FBN3: variants seen among roughly 807,000 people sequenced by gnomAD.
The protein encoded by FBN3 is fibrillin-3.
In FBN3, 234 loss-of-function variants were observed where a neutral mutation model predicts 330.1. That is an observed-to-expected ratio of 0.71 (90% CI 0.64 to 0.79). The LOEUF (loss-of-function observed/expected upper bound fraction) is 0.79. Among genes scored for constraint, FBN3 ranks in the 30% least tolerant of loss-of-function variants. The probability of loss-of-function intolerance (pLI) is 0.00; values close to 1 mark genes in which losing one functional copy is unlikely to be tolerated. For synonymous variants in FBN3, 1,458 were observed against 1,517.3 expected, an observed-to-expected ratio of 0.96 and a Z score of 0.91; for missense variants, 3,606 against 3,886.9, an observed-to-expected ratio of 0.93 and a Z score of 1.92.
chr19:8,131,658 C>A lies in FBN3; in HGVS notation c.1886G>T (p.Cys629Phe). The A allele has an allele frequency of 6.2e-7, 1 of 1,614,244 alleles. No homozygotes were observed. The highest frequency in any genetic ancestry group is 8.5e-7 in the Non-Finnish European group (1 of 1,180,050). Reference sequence around the variant, plus strand: ...GACAGTGCCAGGGAAGGGGCGGGCACAGGAGCCCTTCTCGATGGCCCCATA... The same window carrying A: ...GACAGTGCCAGGGAAGGGGCGGGCAAAGGAGCCCTTCTCGATGGCCCCATA... The part of the protein sequence containing the change: ...TCYGAIEKGS[C>F]ARPFPGTVTK... The change falls in exon 15 of 64, where the codon TGT becomes TTT. Residue 629 changes from cysteine to phenylalanine, a missense_variant. Transcript: ENST00000600128. The surrounding 1 kb of genome is among the most constrained non-coding windows in gnomAD (Gnocchi z 4.5).
chr19:8,074,764 A>C (rs149710314), intron 61 of FBN3: 18 of 324,600 alleles, frequency 5.5e-5, no homozygotes, highest in Non-Finnish European at 7.4e-5. Context: ...CGTGGCAGAC[A>C]TCACTAATCA....
chr19:8,143,244 G>A (rs7260060), intron 6 of FBN3, among the ~76,000 whole-genome samples: 76,930 of 151,842 alleles, frequency 0.51, 20,360 homozygotes, highest in South Asian at 0.68. Context: ...CCATGGATGG[G>A]GCAGCCCACG....
Position 8,123,530 on chromosome 19 carries a change from C to T in FBN3, c.3016G>A (p.Val1006Met). The change falls in exon 24 of 64, where the codon GTG (valine) becomes ATG (methionine). Residue 1006 changes from valine (V) to methionine (M), a missense_variant. Coordinates refer to ENST00000600128, the MANE Select transcript of FBN3 (RefSeq NM_032447.5). The stretch of plus-strand genomic sequence containing the variant: ...GCACAGGCGCAGTGGAAGCTGCCCA[C>T]CGTGTTTCTGCAGGTACCGTGCGTG... ...LCTHGTCRNT[V>M]GSFHCACAGG... 1 of 1,614,196 alleles carries T rather than the reference C, an allele frequency of 6.2e-7. No individual in the cohort carries two copies. The highest frequency in any genetic ancestry group is 8.5e-7 in the Non-Finnish European group (1 of 1,180,016).
chr19:8,143,859 C>T (rs1435132048), intron 6 of FBN3, among the ~76,000 whole-genome samples: 1 of 150,026 alleles, frequency 6.7e-6, no homozygotes, highest in African/African-American at 2.5e-5. Flanking sequence ...GTTCTGTCAC[C>T]CAGGCTGGAA....
Position 8,126,485 on chromosome 19 carries a change from C to A in FBN3, c.2537G>T (p.Cys846Phe). 6.2e-7 allele frequency: 1 copy of A among 1,613,066 alleles called. No individual in the cohort carries two copies. The highest frequency in any genetic ancestry group is 8.5e-7 in the Non-Finnish European group (1 of 1,179,608). ...GATACTACCGATCTCGCAGCGTTCG[C>A]AGGGGCTCCCCCAGGCTGCCCCGAG... The part of the protein sequence containing the change: ...ATLGAAWGSP[C>F]ERCEIDPACA... Residue 846 changes from cysteine to phenylalanine, a missense_variant, in exon 20 of 64, where the codon TGC (cysteine) becomes TTC (phenylalanine). Transcript: ENST00000600128.
In FBN3 at chr19:8,131,798, G is replaced by T. The variant is rs557428976; in HGVS notation, c.1746C>A (p.Cys582Ter). The T allele has an allele frequency of 6.2e-7, 1 of 1,604,508 alleles. No homozygotes were observed. The highest frequency in any genetic ancestry group is 8.5e-7 in the Non-Finnish European group (1 of 1,173,100). Reference sequence around the variant, plus strand: ...CGGTGTTGGTACAGTGGCCGTTCACGCAGATGCCGGGCGTCTGGCACTCGT... The same window carrying T: ...CGGTGTTGGTACAGTGGCCGTTCACTCAGATGCCGGGCGTCTGGCACTCGT... ...DIDECQTPGI[C>*]VNGHCTNTEG... The change falls in exon 15 of 64, where the codon TGC becomes TGA. Residue 582 changes from cysteine (C) to a stop codon, truncating the protein, a stop_gained. Transcript: ENST00000600128. LOFTEE classifies it high-confidence loss of function. This position sits in a 1 kb window ranked among gnomAD's most constrained non-coding sequence, Gnocchi z 4.5.
intron 40 of FBN3, among the ~76,000 whole-genome samples, chr19:8,102,167 C>T (rs1404733263): frequency 6.6e-6 from 1 of 152,166 alleles, no homozygotes; most frequent in Non-Finnish European, 1.5e-5. Context: ...GTGAGGCCTT[C>T]CCAGTTATGT....
At chr19:8,135,936 G>GTGTCCCCCCCCC in intron 13 of FBN3, 25 bp downstream of exon 13, 1 of 668,778 alleles carries the variant, frequency 1.5e-6, no homozygotes, top group Non-Finnish European at 2.4e-6. Flanking sequence ...GGAAGCCCCT[G>GTGTCCCCCCCCC]CCCACCCGCC....
At position 8,091,490 on chromosome 19, in the gene FBN3, G is replaced by A; in HGVS notation, c.6006C>T (p.Leu2002=). ...FQCLCPPGFV[L]SDNGHRCFDT... The stretch of plus-strand genomic sequence containing the variant: ...CAAAGCAACGGTGCCCATTGTCAGA[G>A]AGGACAAAGCCAGGTGGGCAGAGGC... Residue 2002 remains leucine, a synonymous_variant, in exon 48 of 64, where the codon CTC becomes CTT. Transcript: ENST00000600128. 1 of 1,614,188 alleles carries A rather than the reference G, an allele frequency of 6.2e-7. No individual in the cohort carries two copies. The highest frequency in any genetic ancestry group is 1.6e-4 in the Middle Eastern group (1 of 6,062).
intron 22 of FBN3, 54 bp from the exon 23 acceptor site, chr19:8,124,062 G>T: frequency 6.8e-7 from 1 of 1,462,000 alleles, no homozygotes. Context: ...TGCCCACTGC[G>T]GGACAGGCGT....
At chr19:8,090,472 TTGG>T (rs1328118218) in intron 48 of FBN3, among the ~76,000 whole-genome samples, 6 of 122,610 alleles carry the variant, frequency 4.9e-5, no homozygotes, top group Non-Finnish European at 8.8e-5. Flanking sequence ...GTTGTTGTTG[TTGG>T]TGGTGGTGGT....
At chr19:8,080,935 T>G in intron 59 of FBN3, 68 bp downstream of exon 59, 1 of 1,181,726 alleles carries the variant, frequency 8.5e-7, no homozygotes, top group Non-Finnish European at 1.2e-6. Context: ...TTGATATTTT[T>G]TTGGTGAGCA....
chr19:8,097,801 T>C (rs12980768), intron 41 of FBN3, among the ~76,000 whole-genome samples: 76,094 of 152,084 alleles, frequency 0.5, 20,140 homozygotes, highest in Middle Eastern at 0.65. Context: ...GGAATATTCT[T>C]CAGCCTTATT....
rs758384388 is a variant in FBN3 at position 8,097,324 on chromosome 19, C to G, written c.5252G>C (p.Gly1751Ala). ...IGSFRCECPA[G>A]FNYNSILLAC... is the part of the protein sequence containing the mutation. ...CAGCAGGATGCTGTTGTAGTTGAAG[C>G]CTGCGGGGCACTCGCAGCGGAAACT... The change falls in exon 42 of 64, where the codon GGC (glycine) becomes GCC (alanine). Residue 1751 changes from glycine (G) to alanine (A), a missense_variant. By Grantham distance (60) the Gly-to-Ala change is moderately conservative. Transcript: ENST00000600128. 3 of 1,609,940 alleles carry G rather than the reference C, an allele frequency of 1.9e-6. No homozygotes were observed. The highest frequency in any genetic ancestry group is 2.5e-6 in the Non-Finnish European group (3 of 1,177,370).
intron 41 of FBN3, among the ~76,000 whole-genome samples, chr19:8,099,074 G>A (rs2144745811): frequency 6.6e-6 from 1 of 152,188 alleles, no homozygotes; most frequent in Non-Finnish European, 1.5e-5. Context: ...TAACCAACAT[G>A]TCAAGCATTA....
chr19:8,111,312 CA>C, intron 32 of FBN3, 129 bp from the exon 33 acceptor site: 1 of 1,195,002 alleles, frequency 8.4e-7, no homozygotes, highest in Non-Finnish European at 1.2e-6. Context: ...CCTGGGGACT[CA>C]GTCCCTGACT....
At chr19:8,076,829 T>A (rs2081653836) in intron 59 of FBN3, among the ~76,000 whole-genome samples, 1 of 152,070 alleles carries the variant, frequency 6.6e-6, no homozygotes, top group Non-Finnish European at 1.5e-5. Flanking sequence ...TGGCACAGTC[T>A]CAGCTCACTG....
In FBN3 at chr19:8,095,995, G is replaced by T. The variant is rs1568386911; in HGVS notation, c.5625C>A (p.Gly1875=). ...IGSYNCLCFP[G]FVVTHNGDCV... ...AATCCCCATTGTGTGTCACCACAAA[G>T]CCAGGGAAGCAGAGGCAGTTGTAGG... The change falls in exon 45 of 64, where the codon GGC becomes GGA. Residue 1875 remains glycine (G), a synonymous_variant. Transcript: ENST00000600128. The T allele has an allele frequency of 1.2e-6, 2 of 1,613,782 alleles. No homozygotes were observed. Among genetic ancestry groups the T allele is most frequent in the South Asian group, 2.2e-5 (2 of 91,080 alleles).
chr19:8,133,366 C>T (rs1287176132), intron 13 of FBN3, among the ~76,000 whole-genome samples: 3 of 152,204 alleles, frequency 2.0e-5, no homozygotes, highest in South Asian at 4.1e-4. Flanking sequence ...GCTGAATAAA[C>T]GTGGTGGTTT....
Sources: allele counts gnomAD v4.1 joint callset (sites outside exome capture counted in the v4.1 genomes callset), GRCh38; gene constraint gnomAD v4.1.1; non-coding constraint Gnocchi (gnomAD v3.1); transcripts MANE v1.5; gene names NCBI Gene and HGNC (gene_info 2026-07-23, HGNC 2026-07-21).